Variants in LIMA1 observed in about 807,000 individuals in gnomAD.
LIMA1 encodes the protein LIM domain and actin-binding protein 1.
Under a neutral mutation model 62.6 loss-of-function variants are expected in LIMA1, and 52 were observed. The ratio of observed to expected loss-of-function variants is 0.83; its 90% CI spans 0.67 to 1.05. LIMA1 has a LOEUF of 1.05. Ranked by LOEUF, LIMA1 falls within the 50% of genes least tolerant of loss-of-function variation. The pLI is 0.00. For synonymous variants in LIMA1, 302 were observed against 317.8 expected (o/e 0.95, Z 0.53); for missense variants, 780 against 902.2 (o/e 0.86, Z 1.74).
intron 1 of LIMA1, among the ~76,000 whole-genome samples, chr12:50,254,917 A>C (rs1461314973): frequency 6.6e-6 from 1 of 151,826 alleles, no homozygotes; most frequent in Non-Finnish European, 1.5e-5. Context: ...AAAATTAGCC[A>C]GGCGTGGTGG....
intron 7 of LIMA1, 99 bp downstream of exon 7, chr12:50,200,678 G>A: frequency 7.5e-7 from 1 of 1,324,820 alleles, no homozygotes; most frequent in South Asian, 1.2e-5. Context: ...CAAATTCCCA[G>A]ACACTCTACA....
At chr12:50,208,508 G>A (rs1214454922) in intron 4 of LIMA1, among the ~76,000 whole-genome samples, 1 of 151,506 alleles carries the variant, frequency 6.6e-6, no homozygotes, top group East Asian at 1.9e-4. Context: ...AAGTTAGCTG[G>A]GCATTATGGC....
At position 50,219,746 on chromosome 12, in the gene LIMA1, T is replaced by G. The variant is rs1941410109; in HGVS notation, c.630+2275A>C. 3 of 152,034 alleles carry G rather than the reference T, an allele frequency of 2.0e-5. 1 individual carries two copies. The South Asian group carries it at 6.2e-4, about 32-fold the overall frequency. The allele number at this position is 152,034 out of a possible 1,614,324, so 9.4% of individuals were successfully genotyped here. ...CTGTGTTGCCCAGGCTGGAGTGCAG[T>G]GGCGATCATGGCTCACTGCAACCTC... On this transcript the variant is annotated intron_variant, in intron 4 of 10. Coordinates refer to ENST00000341247, the MANE Select transcript of LIMA1 (RefSeq NM_016357.5).
At chr12:50,236,758 A>G in intron 2 of LIMA1, among the ~76,000 whole-genome samples, 1 of 151,884 alleles carries the variant, frequency 6.6e-6, no homozygotes. Flanking sequence ...ACACACACGC[A>G]CACGCACACA....
intron 4 of LIMA1, among the ~76,000 whole-genome samples, chr12:50,210,953 C>T (rs917422142): frequency 6.6e-6 from 1 of 152,152 alleles, no homozygotes; most frequent in African/African-American, 2.4e-5. Context: ...GATGGGTTTT[C>T]ATGATATCGC....
At chr12:50,247,013 A>G (rs1029665726) in intron 2 of LIMA1, among the ~76,000 whole-genome samples, 9 of 152,158 alleles carry the variant, frequency 5.9e-5, no homozygotes, top group Admixed American at 5.9e-4. Context: ...GTGTGTGCCT[A>G]TAGTCCCAGC....
intron 9 of LIMA1, chr12:50,186,234 C>T (rs375137725): frequency 1.3e-4 from 20 of 152,202 alleles, no homozygotes; most frequent in African/African-American, 4.6e-4. Context: ...CAATGTTAGA[C>T]ATTTTTTATC....
At chr12:50,178,879 G>T (rs1441394973) in intron 10 of LIMA1, among the ~76,000 whole-genome samples, 1 of 151,882 alleles carries the variant, frequency 6.6e-6, no homozygotes. Flanking sequence ...TTCATTTGGA[G>T]TCAGTGTTTC....
intron 1 of LIMA1, among the ~76,000 whole-genome samples, chr12:50,257,067 ACT>A (rs1212542784): frequency 6.6e-6 from 1 of 151,966 alleles, no homozygotes; most frequent in Non-Finnish European, 1.5e-5. Flanking sequence ...GAGAACTTTG[ACT>A]CTGTTTCTCC....
chr12:50,237,261 T>G (rs1941709729), intron 2 of LIMA1, among the ~76,000 whole-genome samples: 1 of 152,218 alleles, frequency 6.6e-6, no homozygotes, highest in African/African-American at 2.4e-5. Context: ...AATGAAATAC[T>G]GTGCAGCAAC....
chr12:50,177,991 G>A lies in LIMA1; in HGVS notation c.1353C>T (p.Asn451=), dbSNP rs1356089775. 4.4e-6 allele frequency: 7 copies of A among 1,599,744 alleles called. No individual in the cohort carries two copies. Among genetic ancestry groups the A allele is most frequent in the South Asian group, 2.3e-5 (2 of 87,618 alleles). The change falls in exon 11 of 11, where the codon AAC becomes AAT. Residue 451 remains asparagine, a synonymous_variant. Coordinates refer to ENST00000341247, the MANE Select transcript of LIMA1 (RefSeq NM_016357.5). ...GTCTGTGCCCAAAGCCTTCATCATA[G>A]TTGCCCTTAGATTTAAAGAGTTGAT... ...HFNQLFKSKG[N]YDEGFGHRPH...
chr12:50,248,605 G>C lies in LIMA1; in HGVS notation c.119+28C>G, dbSNP rs746819009. 2.2e-6 allele frequency: 3 copies of C among 1,368,184 alleles called. No individual in the cohort carries two copies. In the East Asian group the frequency reaches 6.9e-5, roughly 31 times the overall value. The allele number at this position is 1,368,184 out of a possible 1,614,324, so 84.8% of individuals were successfully genotyped here. A position where few individuals can be genotyped will look rare whatever the true frequency, so the allele number is the denominator to read the frequency against. ...TGGCAATGTGTGCTCCAGACAGATG[G>C]TCCTTTTGGACCAGGATCAGCACTT... On this transcript the variant is annotated intron_variant, in intron 2 of 10. Coordinates refer to ENST00000341247, the MANE Select transcript of LIMA1 (RefSeq NM_016357.5).
intron 3 of LIMA1, chr12:50,222,779 C>A: frequency 3.3e-6 from 3 of 919,708 alleles, no homozygotes; most frequent in East Asian, 4.9e-5. Context: ...TAGTTACATG[C>A]GAAACAAGAG....
chr12:50,221,927 T>C (rs1335254040), intron 4 of LIMA1, 94 bp downstream of exon 4: 3 of 985,944 alleles, frequency 3.0e-6, no homozygotes, highest in Non-Finnish European at 4.6e-6. Flanking sequence ...ACTGACCACA[T>C]ATTCGCCTCT....
At position 50,176,825 on chromosome 12, in the gene LIMA1, T is replaced by C. The variant is rs2138361177; in HGVS notation, c.*239A>G. 4.7e-6 allele frequency: 2 copies of C among 423,822 alleles called. No homozygotes were observed. The highest frequency in any genetic ancestry group is 5.4e-5 in the South Asian group (1 of 18,384). The allele number at this position is 423,822 out of a possible 1,614,324, so 26.3% of individuals were successfully genotyped here. ...CCCCAGTTACAAGCCTTACAGCACT[T>C]ATGCATATCATCACTGCTAAAATGA... On this transcript the variant is annotated 3_prime_UTR_variant, in exon 11 of 11. Coordinates refer to ENST00000341247, the MANE Select transcript of LIMA1 (RefSeq NM_016357.5).
chr12:50,237,331 T>A (rs1224000489), intron 2 of LIMA1, among the ~76,000 whole-genome samples: 1 of 152,224 alleles, frequency 6.6e-6, no homozygotes, highest in Non-Finnish European at 1.5e-5. Flanking sequence ...TTAATGCCAC[T>A]GAACTGTGTT....
chr12:50,181,807 C>T, intron 10 of LIMA1, 97 bp downstream of exon 10: 1 of 1,315,736 alleles, frequency 7.6e-7, no homozygotes. Context: ...AACAGAATAT[C>T]ATTAGCACAG....
intron 10 of LIMA1, among the ~76,000 whole-genome samples, chr12:50,179,698 A>T (rs919789487): frequency 1.3e-5 from 2 of 148,780 alleles, no homozygotes; most frequent in African/African-American, 4.9e-5. Context: ...CGGCCTCCCA[A>T]AGTGCTGGGA....
At chr12:50,185,037 G>A (rs1240623529) in intron 9 of LIMA1, among the ~76,000 whole-genome samples, 1 of 152,084 alleles carries the variant, frequency 6.6e-6, no homozygotes, top group Non-Finnish European at 1.5e-5. Context: ...TCACCATGTT[G>A]GTCAGGCTGG....
Sources: allele counts gnomAD v4.1 joint callset (sites outside exome capture counted in the v4.1 genomes callset), GRCh38; gene constraint gnomAD v4.1.1; transcripts MANE v1.5; gene names NCBI Gene and HGNC (gene_info 2026-07-23, HGNC 2026-07-21).